Variants in GRM1 observed in about 807,000 individuals in gnomAD.
GRM1 encodes metabotropic glutamate receptor 1.
Under a neutral mutation model 90.9 loss-of-function variants are expected in GRM1, and 33 were observed. The observed-to-expected ratio is 0.36, with a 90% CI of 0.28 to 0.49. The LOEUF (loss-of-function observed/expected upper bound fraction) is 0.49. Ranked by LOEUF, GRM1 falls within the 20% of genes least tolerant of loss-of-function variation. The pLI, the probability that GRM1 is intolerant of heterozygous loss-of-function variation, is 0.99. For synonymous variants in GRM1, 700 were observed against 613.2 expected, an observed-to-expected ratio of 1.14 and a Z score of -2.09; for missense variants, 1,190 against 1,534.3, an observed-to-expected ratio of 0.78 and a Z score of 3.75.
chr6:146,056,679 C>T (rs937792943), intron 1 of GRM1, among the ~76,000 whole-genome samples: 6 of 152,088 alleles, frequency 3.9e-5, no homozygotes, highest in Admixed American at 3.3e-4. Context: ...TTTAAACTTT[C>T]GCAACATCTG....
At chr6:146,270,904 TCTTTCTTTCTTCCTTCCTTC>T (rs1562571226) in intron 2 of GRM1, among the ~76,000 whole-genome samples, 30 of 113,972 alleles carry the variant, frequency 2.6e-4, no homozygotes, top group Middle Eastern at 4.1e-3. Context: ...TTTCTTTCTT[TCTTTCTTTCTTCCTTCCTTC>T]CTTCCTTCCT....
chr6:146,363,454 T>C (rs1775567627), intron 5 of GRM1, among the ~76,000 whole-genome samples: 2 of 152,226 alleles, frequency 1.3e-5, no homozygotes, highest in South Asian at 4.1e-4. Flanking sequence ...GAAGCTTGGA[T>C]ACCCATTCTT....
intron 7 of GRM1, among the ~76,000 whole-genome samples, chr6:146,406,964 A>G (rs1401563712): frequency 6.6e-6 from 1 of 152,176 alleles, no homozygotes; most frequent in Non-Finnish European, 1.5e-5. Context: ...GTGTGATTGG[A>G]AAGAGTTAGA....
At chr6:146,418,140 T>C (rs1777852905) in intron 7 of GRM1, among the ~76,000 whole-genome samples, 1 of 152,142 alleles carries the variant, frequency 6.6e-6, no homozygotes, top group South Asian at 2.1e-4. Flanking sequence ...TTAAAAATAT[T>C]AGTACTGTGC....
At chr6:146,087,441 T>A (rs4896855) in intron 1 of GRM1, among the ~76,000 whole-genome samples, 1 of 151,978 alleles carries the variant, frequency 6.6e-6, no homozygotes, top group Non-Finnish European at 1.5e-5. Context: ...TACGTGCACT[T>A]GTGTGTGTGT....
At chr6:146,406,847 AAAC>A (rs1342128659) in intron 7 of GRM1, among the ~76,000 whole-genome samples, 2 of 152,164 alleles carry the variant, frequency 1.3e-5, no homozygotes, top group Admixed American at 6.5e-5. Context: ...AAACAACAAC[AAAC>A]AACAACAACA....
At chr6:146,389,615 T>G (rs1225159148) in intron 6 of GRM1, among the ~76,000 whole-genome samples, 2 of 152,082 alleles carry the variant, frequency 1.3e-5, no homozygotes, top group Admixed American at 1.3e-4. Context: ...ATTAATACAA[T>G]TACATTTCTA....
At chr6:146,320,983 C>G (rs148121247) in intron 3 of GRM1, among the ~76,000 whole-genome samples, 1 of 152,060 alleles carries the variant, frequency 6.6e-6, no homozygotes, top group African/African-American at 2.4e-5. Flanking sequence ...CAGTTCTGCT[C>G]TGATCTTAGT....
chr6:146,198,054 A>C (rs1448511311), intron 2 of GRM1, among the ~76,000 whole-genome samples: 1 of 152,260 alleles, frequency 6.6e-6, no homozygotes, highest in Non-Finnish European at 1.5e-5. Context: ...GAGGTGTTGC[A>C]TATTTCTATT....
At chr6:146,164,196 T>C (rs1777832892) in intron 2 of GRM1, among the ~76,000 whole-genome samples, 1 of 152,118 alleles carries the variant, frequency 6.6e-6, no homozygotes, top group African/African-American at 2.4e-5. Context: ...ATATGTTGTC[T>C]CTAGTTCCAA....
At chr6:146,034,980 A>G (rs1790837235) in intron 1 of GRM1, among the ~76,000 whole-genome samples, 1 of 152,016 alleles carries the variant, frequency 6.6e-6, no homozygotes, top group Non-Finnish European at 1.5e-5. Flanking sequence ...CAATCACAGT[A>G]TAGACATTTA....
intron 2 of GRM1, among the ~76,000 whole-genome samples, chr6:146,173,262 T>C (rs745462665): frequency 6.6e-5 from 10 of 151,580 alleles, no homozygotes; most frequent in Non-Finnish European, 1.3e-4. Context: ...TGGTGGCGCC[T>C]GCCTGTAATC....
chr6:146,363,491 A>G (rs553026954), intron 5 of GRM1, among the ~76,000 whole-genome samples: 3 of 152,318 alleles, frequency 2.0e-5, no homozygotes, highest in Admixed American at 2.0e-4. Flanking sequence ...CAATTAGTAC[A>G]ACCCTACCTT....
At chr6:146,215,917 C>T (rs975699104) in intron 2 of GRM1, among the ~76,000 whole-genome samples, 44 of 152,088 alleles carry the variant, frequency 2.9e-4, no homozygotes, top group African/African-American at 7.0e-4. Context: ...CCACCATGCC[C>T]GGCTAATTTT....
At chr6:146,185,722 T>C (rs1436325786) in intron 2 of GRM1, among the ~76,000 whole-genome samples, 1 of 152,190 alleles carries the variant, frequency 6.6e-6, no homozygotes, top group Admixed American at 6.5e-5. Flanking sequence ...AATCAGCGTT[T>C]GATGCTAGCA....
chr6:146,033,786 T>C (rs1437632060), intron 1 of GRM1, among the ~76,000 whole-genome samples: 2 of 152,050 alleles, frequency 1.3e-5, no homozygotes, highest in Non-Finnish European at 2.9e-5. Context: ...TAAGTACTTT[T>C]TTATTTGATA....
In GRM1 at chr6:146,303,222, C is replaced by G. The variant is rs76835253; in HGVS notation, c.951-1389C>G. ...GTGAGATATGGTCACTAATGTTTGC[C>G]CAGTCCCTTCTCTGTGAGAAGCAAG... On this transcript the variant is annotated intron_variant, in intron 2 of 7. Transcript: ENST00000282753. 1.7e-3 allele frequency among the ~76,000 whole-genome samples: 258 copies of G among 152,224 alleles called. 1 individual carries two copies. Among genetic ancestry groups the G allele is most frequent in the Non-Finnish European group, 2.6e-3 (179 of 68,014 alleles).
intron 2 of GRM1, among the ~76,000 whole-genome samples, chr6:146,260,764 G>T (rs1272185700): frequency 2.2e-5 from 2 of 89,826 alleles, no homozygotes; most frequent in Non-Finnish European, 4.5e-5. Context: ...TTGGAAAAAT[G>T]TCTTCAGTCC....
intron 5 of GRM1, among the ~76,000 whole-genome samples, chr6:146,384,356 A>C (rs958110512): frequency 1.3e-5 from 2 of 152,096 alleles, no homozygotes; most frequent in Non-Finnish European, 2.9e-5. Flanking sequence ...CAGAGTAGAG[A>C]TATCTTGTTG....
Sources: allele counts gnomAD v4.1 joint callset (sites outside exome capture counted in the v4.1 genomes callset), GRCh38; gene constraint gnomAD v4.1.1; transcripts MANE v1.5; gene names NCBI Gene and HGNC (gene_info 2026-07-23, HGNC 2026-07-21).